SKI: variants seen among roughly 807,000 people sequenced by gnomAD.
SKI encodes the protein ski oncogene.
SKI carries 23 observed loss-of-function variants against 59.3 expected under a neutral mutation model. The observed-to-expected ratio is 0.39, with a 90% CI of 0.28 to 0.55. SKI has a LOEUF of 0.55. Among genes scored for constraint, SKI ranks in the 20% least tolerant of loss-of-function variants. SKI has a pLI of 0.67. For synonymous variants in SKI, 673 were observed against 488.6 expected (o/e 1.38, Z -4.98); for missense variants, 1,017 against 1,038.9 (o/e 0.98, Z 0.29).
intron 1 of SKI, among the ~76,000 whole-genome samples, chr1:2,248,425 G>A (rs1368554566): frequency 6.6e-6 from 1 of 152,222 alleles, no homozygotes; most frequent in Non-Finnish European, 1.5e-5. Flanking sequence ...ATTAATGAGG[G>A]GCGCCGCAGG....
In SKI at chr1:2,306,260, T is replaced by C. The variant is rs1291564710; in HGVS notation, c.1998+10T>C. Reference sequence around the variant, plus strand: ...CAAGTACTCGGCCCAGGTATGCGGGTGGGGAGACTGAGGCACGCAGCACGG... The same window carrying C: ...CAAGTACTCGGCCCAGGTATGCGGGCGGGGAGACTGAGGCACGCAGCACGG... On this transcript the variant is annotated intron_variant, in intron 6 of 6. Coordinates refer to ENST00000378536, the MANE Select transcript of SKI (RefSeq NM_003036.4). The C allele has an allele frequency of 3.2e-6, 5 of 1,543,718 alleles. No homozygotes were observed. The highest frequency in any genetic ancestry group is 4.4e-6 in the Non-Finnish European group (5 of 1,143,658).
At position 2,303,223 on chromosome 1, in the gene SKI, CAG is replaced by C; in HGVS notation, c.1096-61_1096-60del. On this transcript the variant is annotated intron_variant, in intron 2 of 6. Transcript: ENST00000378536. This position sits in a 1 kb window ranked among gnomAD's most constrained non-coding sequence, Gnocchi z 5.6. ...TGAGGGCTGGCACCCGGCGCAGCCT[CAG>C]GGACATGAAGTGGCTTGTTTTTCTC... The C allele has an allele frequency of 6.2e-7, 1 of 1,602,878 alleles. No individual in the cohort carries two copies. Among genetic ancestry groups the C allele is most frequent in the South Asian group, 1.1e-5 (1 of 90,898 alleles).
intron 1 of SKI, among the ~76,000 whole-genome samples, chr1:2,284,945 G>T (rs755782605): frequency 7.2e-5 from 11 of 152,210 alleles, no homozygotes; most frequent in Non-Finnish European, 1.6e-4. Flanking sequence ...CCTTTCTGAT[G>T]ATCAGAATTC....
chr1:2,257,772 C>T (rs1257583192), intron 1 of SKI, among the ~76,000 whole-genome samples: 2 of 152,048 alleles, frequency 1.3e-5, no homozygotes, highest in Non-Finnish European at 2.9e-5. Flanking sequence ...GAACTTTGCT[C>T]TTGTTGCCCA....
Position 2,303,308 on chromosome 1 carries a change from C to T in SKI, c.1119C>T (p.Arg373=), listed in dbSNP as rs1291366064. The T allele has an allele frequency of 2.5e-6, 4 of 1,613,814 alleles. No individual in the cohort carries two copies. The South Asian group carries it at 4.4e-5, about 18-fold the overall frequency. Residue 373 remains arginine, a synonymous_variant, in exon 3 of 7, where the codon CGC becomes CGT. Coordinates refer to ENST00000378536, the MANE Select transcript of SKI (RefSeq NM_003036.4). This position sits in a 1 kb window ranked among gnomAD's most constrained non-coding sequence, Gnocchi z 5.6. ...SNKSLGCVHP[R]QRLSAFRPWS... is the part of the protein sequence containing the mutation. ...AGAGCCTGGGCTGTGTTCACCCTCG[C>T]CAGCGCCTCTCTGCTTTCCGACCCT...
At chr1:2,250,931 A>G (rs1334253164) in intron 1 of SKI, among the ~76,000 whole-genome samples, 1 of 152,240 alleles carries the variant, frequency 6.6e-6, no homozygotes, top group Non-Finnish European at 1.5e-5. Flanking sequence ...CATCAGGAGC[A>G]AGCGGCCCCC....
At chr1:2,249,612 A>G (rs930862168) in intron 1 of SKI, among the ~76,000 whole-genome samples, 5 of 152,158 alleles carry the variant, frequency 3.3e-5, no homozygotes, top group Admixed American at 6.5e-5. Context: ...CAGCTGAGAG[A>G]TGCTTGACTC....
chr1:2,290,966 C>T (rs1184083098), intron 1 of SKI, among the ~76,000 whole-genome samples: 3 of 152,240 alleles, frequency 2.0e-5, no homozygotes, highest in Non-Finnish European at 2.9e-5. Flanking sequence ...CTGTTTGTCT[C>T]CCTCAATCTT....
At position 2,228,698 on chromosome 1, in the gene SKI, G is replaced by T. The variant is rs1391344733; in HGVS notation, c.-69G>T. On this transcript the variant is annotated 5_prime_UTR_variant, in exon 1 of 7. Transcript: ENST00000378536. ...CCGCGGGCGCCGCCGGGGCGCGCGG[G>T]GCGGCGGCGGGGGCCGGGGGGGCCC... The T allele has an allele frequency of 4.2e-6, 4 of 942,758 alleles. No homozygotes were observed. Among genetic ancestry groups the T allele is most frequent in the Non-Finnish European group, 5.0e-6 (4 of 794,504 alleles). 58.4% of individuals were successfully genotyped at this position (942,758 alleles called of 1,614,324 possible). A position where few individuals can be genotyped will look rare whatever the true frequency, so the allele number is the denominator to read the frequency against.
chr1:2,293,801 T>A (rs916041078), intron 1 of SKI, among the ~76,000 whole-genome samples: 5 of 152,212 alleles, frequency 3.3e-5, no homozygotes, highest in Admixed American at 3.3e-4. Context: ...TTTCCCCGCT[T>A]CTTCAGCTGG....
At chr1:2,304,174 C>T (rs538243199) in intron 4 of SKI, 72 bp downstream of exon 4, 228 of 1,591,844 alleles carry the variant, frequency 1.4e-4, no homozygotes, top group Admixed American at 3.0e-4. Flanking sequence ...GGGGGCTGGT[C>T]GCCGGGGGTG....
rs1182356488 is a variant in SKI at position 2,258,997 on chromosome 1, C to T, written c.969+29262C>T. On this transcript the variant is annotated intron_variant, in intron 1 of 6. Coordinates refer to ENST00000378536, the MANE Select transcript of SKI (RefSeq NM_003036.4). ...GTTTTCTAGACCAGCATATTCAAAC[C>T]CAAGGTTTGGAATCTTGGGCTGGCT... Among the ~76,000 whole-genome samples, 3 of 152,146 alleles carry T rather than the reference C, an allele frequency of 2.0e-5. No homozygotes were observed. The South Asian group carries it at 6.2e-4, about 32-fold the overall frequency.
At chr1:2,295,617 G>A (rs1314582281) in intron 1 of SKI, among the ~76,000 whole-genome samples, 3 of 151,392 alleles carry the variant, frequency 2.0e-5, no homozygotes, top group Non-Finnish European at 4.4e-5. Context: ...GTAGAGCCAC[G>A]TGACTGTGTG....
chr1:2,247,536 C>G (rs557805014), intron 1 of SKI, among the ~76,000 whole-genome samples: 1 of 152,236 alleles, frequency 6.6e-6, no homozygotes, highest in Non-Finnish European at 1.5e-5. Context: ...AACCCATTGC[C>G]AAATGTGGGT....
chr1:2,288,995 G>T (rs1386897372), intron 1 of SKI, among the ~76,000 whole-genome samples: 2 of 152,210 alleles, frequency 1.3e-5, no homozygotes, highest in African/African-American at 4.8e-5. Context: ...GTGCCGCCTG[G>T]TTTTCCCGAA....
intron 1 of SKI, among the ~76,000 whole-genome samples, chr1:2,272,974 A>G (rs976922775): frequency 3.9e-5 from 6 of 152,178 alleles, no homozygotes; most frequent in African/African-American, 1.4e-4. Flanking sequence ...AGCAGTAGTA[A>G]AAGTCATCAG....
In SKI at chr1:2,305,971, T is replaced by C. The variant is rs537248972; in HGVS notation, c.1768-49T>C. The C allele has an allele frequency of 6.8e-5, 93 of 1,365,808 alleles. No individual in the cohort carries two copies. The South Asian group carries it at 9.6e-4, about 14-fold the overall frequency. The allele number at this position is 1,365,808 out of a possible 1,614,324, so 84.6% of individuals were successfully genotyped here. A position where few individuals can be genotyped will look rare whatever the true frequency, so the allele number is the denominator to read the frequency against. On this transcript the variant is annotated intron_variant, in intron 5 of 6. Coordinates refer to ENST00000378536, the MANE Select transcript of SKI (RefSeq NM_003036.4). ...GAGGACTGCTGGTCATGGTGAGGGG[T>C]GTGCTGGGACCGGCTGGGCAGTGAC...
intron 1 of SKI, among the ~76,000 whole-genome samples, chr1:2,243,816 T>C (rs2100812345): frequency 6.6e-6 from 1 of 152,280 alleles, no homozygotes; most frequent in South Asian, 2.1e-4. Flanking sequence ...GCACACGCAA[T>C]ACACATCTCT....
chr1:2,242,521 TC>T (rs1246666892), intron 1 of SKI, among the ~76,000 whole-genome samples: 1 of 152,200 alleles, frequency 6.6e-6, no homozygotes, highest in African/African-American at 2.4e-5. Context: ...GAAAGATTTT[TC>T]TTTTTCTTAT....
Sources: gnomAD v4.1 joint callset for allele counts (sites outside exome capture counted in the v4.1 genomes callset) on GRCh38, gnomAD v4.1.1 for gene constraint, Gnocchi (gnomAD v3.1) non-coding constraint, MANE v1.5 for transcripts, NCBI Gene and HGNC (gene_info 2026-07-23, HGNC 2026-07-21) for gene names.